RBFOX1: variants seen among roughly 807,000 people sequenced by gnomAD.
RBFOX1 encodes RNA binding fox-1 homolog 1.
A neutral mutation model predicts 57.7 loss-of-function variants in RBFOX1; 8 were observed. That is an observed-to-expected ratio of 0.14 (90% CI 0.08 to 0.25). The LOEUF (loss-of-function observed/expected upper bound fraction) is 0.25, where lower values mean the gene tolerates loss of function less well. Ranked by LOEUF, RBFOX1 falls within the 10% of genes least tolerant of loss-of-function variation. The pLI is 1.00. For missense variants in RBFOX1, 611 were observed against 548.5 expected (o/e 1.11, Z -1.14); for synonymous variants, 326 against 222.4 (o/e 1.47, Z -4.15).
At chr16:6,074,577 G>A (rs2095873827) in intron 1 of RBFOX1, among the ~76,000 whole-genome samples, 1 of 152,214 alleles carries the variant, frequency 6.6e-6, no homozygotes, top group Non-Finnish European at 1.5e-5. Flanking sequence ...TATCGTGATA[G>A]GTGAAATGGG....
At chr16:6,167,166 G>C (rs1268549278) in intron 1 of RBFOX1, among the ~76,000 whole-genome samples, 2 of 152,254 alleles carry the variant, frequency 1.3e-5, no homozygotes, top group African/African-American at 4.8e-5. Flanking sequence ...AGGGCAAAGG[G>C]TGTTGGATGG....
chr16:5,667,597 A>C (rs1463377174), intron 3 of RBFOX1, among the ~76,000 whole-genome samples: 1 of 152,144 alleles, frequency 6.6e-6, no homozygotes, highest in Non-Finnish European at 1.5e-5. Context: ...TGAAAATTCT[A>C]TGTATCTTGC....
At chr16:5,870,366 T>G (rs2057440278) in intron 4 of RBFOX1, among the ~76,000 whole-genome samples, 2 of 129,452 alleles carry the variant, frequency 1.5e-5, no homozygotes, top group Non-Finnish European at 3.3e-5. Flanking sequence ...GGTTGTAATT[T>G]GTATGGCAAA....
At chr16:7,466,169 C>G (rs369984038) in intron 4 of RBFOX1, among the ~76,000 whole-genome samples, 1 of 152,080 alleles carries the variant, frequency 6.6e-6, no homozygotes, top group East Asian at 1.9e-4. Context: ...ATTCAACTGC[C>G]AAAAAGCTAG....
At chr16:6,827,770 G>A (rs1225461801) in intron 3 of RBFOX1, among the ~76,000 whole-genome samples, 2 of 152,106 alleles carry the variant, frequency 1.3e-5, no homozygotes, top group Non-Finnish European at 2.9e-5. Flanking sequence ...ACTCTTACCT[G>A]GTTAGTCTTT....
At chr16:6,340,900 G>A (rs550582487) in intron 2 of RBFOX1, among the ~76,000 whole-genome samples, 1 of 152,056 alleles carries the variant, frequency 6.6e-6, no homozygotes, top group Non-Finnish European at 1.5e-5. Context: ...ATTCAAAGGA[G>A]AGGTAACAGC....
At chr16:5,260,019 G>C (rs1457892176) in intron 1 of RBFOX1, among the ~76,000 whole-genome samples, 3 of 152,192 alleles carry the variant, frequency 2.0e-5, no homozygotes, top group Non-Finnish European at 4.4e-5. Flanking sequence ...TGGACGACAT[G>C]ATGAAACCTT....
At chr16:6,372,625 G>A (rs971236781) in intron 2 of RBFOX1, among the ~76,000 whole-genome samples, 2 of 151,062 alleles carry the variant, frequency 1.3e-5, no homozygotes, top group African/African-American at 4.9e-5. Flanking sequence ...CTGGGCAGGA[G>A]TTTTGTTGGG....
chr16:6,948,156 G>A (rs1031562910), intron 3 of RBFOX1, among the ~76,000 whole-genome samples: 41 of 152,010 alleles, frequency 2.7e-4, no homozygotes, highest in African/African-American at 8.9e-4. Context: ...TTTCAGCCAG[G>A]CATGGTGGCT....
At chr16:6,457,142 C>T (rs1457049872) in intron 2 of RBFOX1, among the ~76,000 whole-genome samples, 2 of 152,084 alleles carry the variant, frequency 1.3e-5, no homozygotes, top group Non-Finnish European at 2.9e-5. Context: ...AAATCCAAGA[C>T]GTCTTTGGAC....
intron 3 of RBFOX1, among the ~76,000 whole-genome samples, chr16:5,734,027 T>G (rs1455043549): frequency 6.6e-6 from 1 of 152,190 alleles, no homozygotes; most frequent in Non-Finnish European, 1.5e-5. Context: ...TCGTTGTCCA[T>G]GTAATAAGAA....
chr16:5,884,205 A>G (rs2057838155), intron 4 of RBFOX1, among the ~76,000 whole-genome samples: 1 of 152,206 alleles, frequency 6.6e-6, no homozygotes, highest in African/African-American at 2.4e-5. Context: ...TTTAAGCAGC[A>G]TCTCAGATGA....
chr16:7,450,043 G>T lies in RBFOX1; in HGVS notation c.28-68104G>T, dbSNP rs995649797. On this transcript the variant is annotated intron_variant, in intron 4 of 15. Coordinates refer to ENST00000550418, the MANE Select transcript of RBFOX1 (RefSeq NM_018723.4). ...CCTTGTGGCAGCTTTTCTGGGTGTGGATTTCAGAGCCTGTCATCATAGAAA... is the reference window on the plus strand; with the variant it reads ...CCTTGTGGCAGCTTTTCTGGGTGTGTATTTCAGAGCCTGTCATCATAGAAA... Among the ~76,000 whole-genome samples, 15 of 152,244 alleles carry T rather than the reference G, an allele frequency of 9.9e-5. No homozygotes were observed. The East Asian group carries it at 1.9e-3, about 20-fold the overall frequency.
chr16:5,939,358 G>A (rs2059235576), intron 4 of RBFOX1, among the ~76,000 whole-genome samples: 6 of 152,246 alleles, frequency 3.9e-5, no homozygotes, highest in Admixed American at 3.9e-4. Flanking sequence ...GAGCTGTTTA[G>A]AGAGGGCATT....
chr16:5,972,918 T>G (rs2152301181), intron 4 of RBFOX1, among the ~76,000 whole-genome samples: 1 of 152,328 alleles, frequency 6.6e-6, no homozygotes, highest in African/African-American at 2.4e-5. Context: ...CCCCAGCTTT[T>G]CCACAGACAA....
At chr16:6,666,910 C>G (rs11864450) in intron 3 of RBFOX1, among the ~76,000 whole-genome samples, 2 of 152,108 alleles carry the variant, frequency 1.3e-5, no homozygotes, top group South Asian at 2.1e-4. Context: ...CATCAAAATG[C>G]TCACGGTTCC....
chr16:7,231,626 C>G (rs925752235), intron 4 of RBFOX1, among the ~76,000 whole-genome samples: 3 of 152,108 alleles, frequency 2.0e-5, no homozygotes, highest in African/African-American at 7.2e-5. Flanking sequence ...AGCCAAAAAG[C>G]AAAGACAACC....
chr16:7,071,409 A>G (rs978839183), intron 4 of RBFOX1, among the ~76,000 whole-genome samples: 1 of 152,158 alleles, frequency 6.6e-6, no homozygotes, highest in South Asian at 2.1e-4. Flanking sequence ...TACCCCTCCT[A>G]GCCTCCTAGC....
chr16:6,422,331 A>T (rs1469474181), intron 2 of RBFOX1, among the ~76,000 whole-genome samples: 1 of 150,320 alleles, frequency 6.7e-6, no homozygotes, highest in Non-Finnish European at 1.5e-5. Context: ...CGGGGTGTGG[A>T]TGATCCCATC....
Sources: gnomAD v4.1 joint callset for allele counts (sites outside exome capture counted in the v4.1 genomes callset) on GRCh38, gnomAD v4.1.1 for gene constraint, MANE v1.5 for transcripts, NCBI Gene and HGNC (gene_info 2026-07-23, HGNC 2026-07-21) for gene names.